The following SRPK1 variants were observed in gnomAD, a reference collection of about 807,000 sequenced individuals.
SRPK1 encodes SRSF protein kinase 1.
Under a neutral mutation model 89.5 loss-of-function variants are expected in SRPK1, and 52 were observed. The ratio of observed to expected loss-of-function variants is 0.58; its 90% CI spans 0.46 to 0.73. The LOEUF (loss-of-function observed/expected upper bound fraction) is 0.73. Among genes scored for constraint, SRPK1 ranks in the 30% least tolerant of loss-of-function variants. SRPK1 has a pLI of 0.00. For missense variants in SRPK1, 603 were observed against 780.6 expected (o/e 0.77, Z 2.71); for synonymous variants, 255 against 270.2 (o/e 0.94, Z 0.55).
chr6:35,838,652 G>C, intron 14 of SRPK1: 3 of 1,536,696 alleles, frequency 2.0e-6, no homozygotes, highest in East Asian at 2.6e-5. Flanking sequence ...AAACAATCTT[G>C]GTGTGAATGC....
intron 12 of SRPK1, among the ~76,000 whole-genome samples, chr6:35,866,015 T>TA (rs903465164): frequency 1.9e-4 from 28 of 146,088 alleles, no homozygotes; most frequent in South Asian, 4.3e-4. Flanking sequence ...TCAACTCAAT[T>TA]AAAAAAAAAA....
rs1749611690 is a variant in SRPK1, at chr6:35,920,530, T to G, written c.14-2A>C. On this transcript the variant is annotated splice_acceptor_variant, in intron 1 of 15. Coordinates refer to ENST00000373825, the MANE Select transcript of SRPK1 (RefSeq NM_003137.5). LOFTEE classifies it high-confidence loss of function. ...TCTTTCGGGCCTGGAGCGCAAGCACTGCAGGAGAGAGGGATGGATGAAGGG... is the reference window on the plus strand; with the variant it reads ...TCTTTCGGGCCTGGAGCGCAAGCACGGCAGGAGAGAGGGATGGATGAAGGG... 6.2e-7 allele frequency: 1 copy of G among 1,612,752 alleles called. No homozygotes were observed. Among genetic ancestry groups the G allele is most frequent in the South Asian group, 1.1e-5 (1 of 91,076 alleles).
At chr6:35,913,401 C>T (rs1771015071) in intron 2 of SRPK1, among the ~76,000 whole-genome samples, 1 of 152,112 alleles carries the variant, frequency 6.6e-6, no homozygotes, top group Non-Finnish European at 1.5e-5. Context: ...CTTGAATTCA[C>T]TTGAATCACT....
intron 2 of SRPK1, among the ~76,000 whole-genome samples, chr6:35,894,018 AG>A (rs1304153985): frequency 6.6e-6 from 1 of 152,100 alleles, no homozygotes; most frequent in African/African-American, 2.4e-5. Flanking sequence ...CTCAAATAAA[AG>A]AAAAAAAAAG....
At chr6:35,920,017 C>A (rs766402923) in intron 2 of SRPK1, 25 of 454,010 alleles carry the variant, frequency 5.5e-5, no homozygotes, top group Non-Finnish European at 1.1e-4. Context: ...TTGGTAGAAC[C>A]CAAAGTAAAC....
intron 13 of SRPK1, among the ~76,000 whole-genome samples, chr6:35,854,716 A>AAG (rs201793947): frequency 0.11 from 15,623 of 140,574 alleles, 1,591 homozygotes; most frequent in African/African-American, 0.26. Context: ...AATGTGGAAT[A>AAG]AAAAAAAAAT....
intron 2 of SRPK1, among the ~76,000 whole-genome samples, chr6:35,910,751 T>G (rs548877675): frequency 1.3e-5 from 2 of 152,266 alleles, no homozygotes; most frequent in East Asian, 3.9e-4. Context: ...CCAATACTAA[T>G]TTACAATCAC....
chr6:35,909,084 C>G (rs952881126), intron 2 of SRPK1, among the ~76,000 whole-genome samples: 1 of 152,226 alleles, frequency 6.6e-6, no homozygotes, highest in Admixed American at 6.5e-5. Flanking sequence ...GGGGCACTGC[C>G]TAGTGGAGCT....
At chr6:35,875,693 C>T in intron 6 of SRPK1, among the ~76,000 whole-genome samples, 1 of 152,122 alleles carries the variant, frequency 6.6e-6, no homozygotes, top group African/African-American at 2.4e-5. Context: ...TTTACAATCA[C>T]TATAGTATAC....
chr6:35,915,982 A>AC lies in SRPK1; in HGVS notation c.74+4485_74+4486insG, dbSNP rs1302869229. ...ACGAGACTCTGTCTCAAAAACAAAA[A>AC]AAAAAAAAAATATATACACACACAC... is the stretch of plus-strand genomic sequence containing the variant. On this transcript the variant is annotated intron_variant, in intron 2 of 15. Coordinates refer to ENST00000373825, the MANE Select transcript of SRPK1 (RefSeq NM_003137.5). Among the ~76,000 whole-genome samples, 12 of 99,696 alleles carry AC rather than the reference A, an allele frequency of 1.2e-4. 2 individuals carry two copies. Among genetic ancestry groups the AC allele is most frequent in the Admixed American group, 5.1e-4 (5 of 9,738 alleles). The allele number at this position is 99,696 out of a possible 152,430, so 65.4% of individuals were successfully genotyped here.
rs1348034485 is a variant in SRPK1, at chr6:35,889,045, T to G, written c.194-122A>C. Reference sequence around the variant, plus strand: ...CCTTTTATCAATAAAAAGTTTCTTTTATACAATCAATTCAACAGAAGAAAA... The same window carrying G: ...CCTTTTATCAATAAAAAGTTTCTTTGATACAATCAATTCAACAGAAGAAAA... On this transcript the variant is annotated intron_variant, in intron 3 of 15. Coordinates refer to ENST00000373825, the MANE Select transcript of SRPK1 (RefSeq NM_003137.5). The G allele has an allele frequency of 2.3e-5, 14 of 601,130 alleles. No homozygotes were observed. The East Asian group carries it at 4.0e-4, about 17-fold the overall frequency. The allele number at this position is 601,130 out of a possible 1,614,324, so 37.2% of individuals were successfully genotyped here.
At chr6:35,920,868 T>C (rs1771222077) in intron 1 of SRPK1, 176 bp downstream of exon 1, 2 of 626,774 alleles carry the variant, frequency 3.2e-6, no homozygotes, top group Non-Finnish European at 5.0e-6. Flanking sequence ...ACGCCCGGAC[T>C]GAGGGGCGCG....
In SRPK1 at chr6:35,883,757, G is replaced by A. The variant is rs574035314; in HGVS notation, c.478+2967C>T. On this transcript the variant is annotated intron_variant, in intron 6 of 15. Transcript: ENST00000373825. ...AGGTTATTTTTTTTTTTTTTGAGGC[G>A]GAGTCTTGCTCTGTCGCCCAGGCTG... 7.0e-3 allele frequency among the ~76,000 whole-genome samples: 1,053 copies of A among 150,388 alleles called. 7 individuals are homozygous for A. The highest frequency in any genetic ancestry group is 0.012 in the Non-Finnish European group (790 of 67,662).
intron 12 of SRPK1, among the ~76,000 whole-genome samples, chr6:35,868,047 G>A (rs1582005510): frequency 1.3e-5 from 2 of 151,590 alleles, no homozygotes; most frequent in African/African-American, 2.4e-5. Flanking sequence ...ATCTTGGCTC[G>A]CCGAAACCTC....
At chr6:35,892,351 A>T (rs1770534737) in intron 2 of SRPK1, among the ~76,000 whole-genome samples, 2 of 152,214 alleles carry the variant, frequency 1.3e-5, no homozygotes, top group South Asian at 4.1e-4. Context: ...GTCTTCTAGG[A>T]CCTTTAAGCA....
At chr6:35,857,739 A>AT (rs1769695595) in intron 12 of SRPK1, among the ~76,000 whole-genome samples, 2 of 152,314 alleles carry the variant, frequency 1.3e-5, no homozygotes, top group South Asian at 4.1e-4. Flanking sequence ...AAGTGCTGGG[A>AT]TTACAGGCGT....
chr6:35,839,364 C>T (rs1036769728), intron 14 of SRPK1, among the ~76,000 whole-genome samples: 2 of 152,214 alleles, frequency 1.3e-5, no homozygotes, highest in East Asian at 3.8e-4. Context: ...GCATGAATGG[C>T]CTAACTTGAA....
intron 6 of SRPK1, among the ~76,000 whole-genome samples, chr6:35,875,747 T>C (rs1253874980): frequency 2.0e-5 from 3 of 152,102 alleles, no homozygotes; most frequent in Admixed American, 6.6e-5. Flanking sequence ...AAAACAACTA[T>C]GTGAAAGACT....
intron 7 of SRPK1, among the ~76,000 whole-genome samples, chr6:35,873,446 C>T (rs767463512): frequency 6.6e-6 from 1 of 151,686 alleles, no homozygotes; most frequent in Admixed American, 6.6e-5. Flanking sequence ...AGAATAAGCA[C>T]AATAAATTCT....
Sources: allele counts gnomAD v4.1 joint callset (sites outside exome capture counted in the v4.1 genomes callset), GRCh38; gene constraint gnomAD v4.1.1; transcripts MANE v1.5; gene names NCBI Gene and HGNC (gene_info 2026-07-23, HGNC 2026-07-21).